TGFA: variants seen among roughly 807,000 people sequenced by gnomAD.
TGFA encodes the protein protransforming growth factor alpha.
TGFA carries 12 observed loss-of-function variants against 21.7 expected under a neutral mutation model. The ratio of observed to expected loss-of-function variants is 0.55; its 90% confidence interval spans 0.35 to 0.90. The LOEUF (loss-of-function observed/expected upper bound fraction) is 0.90, where lower values mean the gene tolerates loss of function less well. Among genes scored for constraint, TGFA ranks in the 40% least tolerant of loss-of-function variants. The pLI, the probability that TGFA is intolerant of heterozygous loss-of-function variation, is 0.01. For missense variants in TGFA, 178 were observed against 210.8 expected, an observed-to-expected ratio of 0.84 and a Z score of 0.96; for synonymous variants, 79 against 88.1, an observed-to-expected ratio of 0.90 and a Z score of 0.58.
At chr2:70,510,236 T>C (rs188460174) in intron 2 of TGFA, among the ~76,000 whole-genome samples, 51 of 152,312 alleles carry the variant, frequency 3.3e-4, no homozygotes, top group African/African-American at 1.1e-3. Context: ...TTTGTATAGT[T>C]CCAGCAACTA....
chr2:70,520,984 C>T (rs567545193), intron 1 of TGFA, among the ~76,000 whole-genome samples: 1 of 152,212 alleles, frequency 6.6e-6, no homozygotes, highest in South Asian at 2.1e-4. Flanking sequence ...GCCTCCACAC[C>T]GTCCATCCTA....
In TGFA at chr2:70,504,471, TACATACATACATAC is replaced by T. The variant is rs1559124121; in HGVS notation, c.94+10374_94+10387del. ...ATATATATATATATATATACACACATACATACATACATACACACACACACACACACACACACACA... is the reference window on the plus strand; with the variant it reads ...ATATATATATATATATATACACACATACACACACACACACACACACACACA... On this transcript the variant is annotated intron_variant, in intron 2 of 5. Transcript: ENST00000295400. 4.1e-4 allele frequency among the ~76,000 whole-genome samples: 36 copies of T among 87,178 alleles called. 1 individual carries two copies. The highest frequency in any genetic ancestry group is 1.4e-3 in the African/African-American group (33 of 22,906). 57.2% of individuals were successfully genotyped at this position (87,178 alleles called of 152,430 possible).
rs574953553 is a variant in TGFA at position 70,456,517 on chromosome 2, C to T, written c.216-29G>A. On this transcript the variant is annotated intron_variant, in intron 3 of 5. Transcript: ENST00000295400. ...GGGAAGAAAGGAACGTCAGTGCACTCTCCTGACAAAAGGTCTTGTTACCCT... is the reference window on the plus strand; with the variant it reads ...GGGAAGAAAGGAACGTCAGTGCACTTTCCTGACAAAAGGTCTTGTTACCCT... 9.5e-6 allele frequency: 15 copies of T among 1,577,700 alleles called. No homozygotes were observed. In the South Asian group the frequency reaches 1.5e-4, roughly 16 times the overall value.
intron 1 of TGFA, among the ~76,000 whole-genome samples, chr2:70,544,630 G>A (rs1673235706): frequency 6.6e-6 from 1 of 152,174 alleles, no homozygotes; most frequent in East Asian, 1.9e-4. Flanking sequence ...CACAGAACAG[G>A]TGCTTGGTAA....
chr2:70,456,217 C>T lies in TGFA; in HGVS notation c.365+122G>A. 3.0e-6 allele frequency: 4 copies of T among 1,317,690 alleles called. No homozygotes were observed. The African/African-American group carries it at 4.4e-5, about 15-fold the overall frequency. 81.6% of individuals were successfully genotyped at this position (1,317,690 alleles called of 1,614,324 possible). A position where few individuals can be genotyped will look rare whatever the true frequency, so the allele number is the denominator to read the frequency against. On this transcript the variant is annotated intron_variant, in intron 4 of 5. Transcript: ENST00000295400. Reference sequence around the variant, plus strand: ...TCAAAGTAGCATTTAGCTTTCCTGACAGCACTCAGACATCCCAGAAATAAG... The same window carrying T: ...TCAAAGTAGCATTTAGCTTTCCTGATAGCACTCAGACATCCCAGAAATAAG...
rs7562076 is a variant in TGFA, at chr2:70,513,115, G to A, written c.94+1744C>T. Among the ~76,000 whole-genome samples the A allele has an allele frequency of 9.0e-3, 1,375 of 152,342 alleles. 21 individuals are homozygous for A. The highest frequency in any genetic ancestry group is 0.031 in the African/African-American group (1,292 of 41,566). On this transcript the variant is annotated intron_variant, in intron 2 of 5. Coordinates refer to ENST00000295400, the MANE Select transcript of TGFA (RefSeq NM_003236.4). ...GAGGCTTCTTAGCCCATGGAGATGC[G>A]TGGAGATCATAGTGACAAGTATCAA...
At chr2:70,493,195 T>C (rs1574100838) in intron 2 of TGFA, among the ~76,000 whole-genome samples, 2 of 152,298 alleles carry the variant, frequency 1.3e-5, no homozygotes, top group East Asian at 3.9e-4. Context: ...AAGCAGTAAC[T>C]CTCACCATTC....
At chr2:70,512,000 G>A (rs532792257) in intron 2 of TGFA, among the ~76,000 whole-genome samples, 62 of 146,836 alleles carry the variant, frequency 4.2e-4, no homozygotes, top group Admixed American at 1.2e-3. Flanking sequence ...GCCCACCACA[G>A]GATTTCAGCC....
intron 3 of TGFA, among the ~76,000 whole-genome samples, chr2:70,462,501 G>C (rs1670435421): frequency 6.6e-6 from 1 of 152,220 alleles, no homozygotes. Context: ...ATTTTGGGGA[G>C]AGGTGGAGAA....
At chr2:70,516,483 C>T (rs868935730) in intron 1 of TGFA, among the ~76,000 whole-genome samples, 20 of 152,122 alleles carry the variant, frequency 1.3e-4, no homozygotes, top group African/African-American at 3.1e-4. Context: ...CATGGACCTC[C>T]GAAAGACTTT....
chr2:70,508,004 A>G (rs1224272852), intron 2 of TGFA, among the ~76,000 whole-genome samples: 6 of 152,244 alleles, frequency 3.9e-5, no homozygotes, highest in Non-Finnish European at 7.3e-5. Flanking sequence ...AGCTGTACTC[A>G]TTATTGCACT....
chr2:70,553,339 C>A, intron 1 of TGFA: 3 of 1,496,106 alleles, frequency 2.0e-6, no homozygotes, highest in East Asian at 2.5e-5. Context: ...CGTTCCGAGG[C>A]GGCCCAGTCT....
intron 5 of TGFA, among the ~76,000 whole-genome samples, chr2:70,452,150 G>A (rs1233560177): frequency 4.6e-5 from 7 of 152,140 alleles, no homozygotes; most frequent in Admixed American, 2.6e-4. Flanking sequence ...ACTTCTGAAC[G>A]CCAACTGTTT....
At chr2:70,487,661 T>C (rs7571789) in intron 2 of TGFA, among the ~76,000 whole-genome samples, 86,904 of 151,962 alleles carry the variant, frequency 0.57, 25,239 homozygotes, top group African/African-American at 0.65. Flanking sequence ...TAGGGATGCT[T>C]AGTCTGGACA....
At chr2:70,500,569 G>A (rs781973970) in intron 2 of TGFA, among the ~76,000 whole-genome samples, 1 of 152,094 alleles carries the variant, frequency 6.6e-6, no homozygotes, top group Non-Finnish European at 1.5e-5. Flanking sequence ...TATTTGAATA[G>A]CCCTGTAGTA....
chr2:70,533,834 G>C (rs1430658771), intron 1 of TGFA, among the ~76,000 whole-genome samples: 2 of 152,046 alleles, frequency 1.3e-5, no homozygotes, highest in African/African-American at 4.8e-5. Flanking sequence ...AAGACCATAA[G>C]GTCCTTTAAA....
intron 1 of TGFA, among the ~76,000 whole-genome samples, chr2:70,542,203 G>A (rs1225054808): frequency 6.6e-6 from 1 of 152,130 alleles, no homozygotes; most frequent in Non-Finnish European, 1.5e-5. Flanking sequence ...AACTGGGAGA[G>A]GGAAGGGAGG....
intron 2 of TGFA, among the ~76,000 whole-genome samples, chr2:70,513,285 T>C (rs190412331): frequency 3.2e-4 from 48 of 152,126 alleles, no homozygotes; most frequent in Admixed American, 9.8e-4. Context: ...AGGTGAAGCT[T>C]GGGGCAAGTG....
At chr2:70,526,825 C>G (rs1308114435) in intron 1 of TGFA, among the ~76,000 whole-genome samples, 1 of 152,182 alleles carries the variant, frequency 6.6e-6, no homozygotes, top group African/African-American at 2.4e-5. Flanking sequence ...CTAGCAAGAA[C>G]AGAGACCAGC....
Sources: allele counts gnomAD v4.1 joint callset (sites outside exome capture counted in the v4.1 genomes callset), GRCh38; gene constraint gnomAD v4.1.1; transcripts MANE v1.5; gene names NCBI Gene and HGNC (gene_info 2026-07-23, HGNC 2026-07-21).